Variants in CACNB4 observed in about 807,000 individuals in gnomAD.
The protein encoded by CACNB4 is voltage-dependent L-type calcium channel subunit beta-4.
Under a neutral mutation model 71.2 loss-of-function variants are expected in CACNB4, and 32 were observed. That is an observed-to-expected ratio of 0.45 (90% CI 0.34 to 0.60). The LOEUF is 0.60. Among genes scored for constraint, CACNB4 ranks in the 20% least tolerant of loss-of-function variants. The pLI is 0.01. For synonymous variants in CACNB4, 231 were observed against 236.9 expected, an observed-to-expected ratio of 0.97 and a Z score of 0.23; for missense variants, 464 against 647.9, an observed-to-expected ratio of 0.72 and a Z score of 3.08.
intron 2 of CACNB4, among the ~76,000 whole-genome samples, chr2:152,079,167 T>C (rs1257157797): frequency 6.6e-6 from 1 of 152,008 alleles, no homozygotes; most frequent in African/African-American, 2.4e-5. Flanking sequence ...AAGCTCACTG[T>C]AAGCTCCGCC....
chr2:151,911,088 G>A (rs1000779889), intron 2 of CACNB4, among the ~76,000 whole-genome samples: 2 of 152,164 alleles, frequency 1.3e-5, no homozygotes, highest in Admixed American at 1.3e-4. Flanking sequence ...GTTCATTCAT[G>A]ATTTGGCTCT....
At chr2:151,948,004 C>T (rs145772625) in intron 2 of CACNB4, among the ~76,000 whole-genome samples, 124 of 152,308 alleles carry the variant, frequency 8.1e-4, no homozygotes, top group African/African-American at 2.5e-3. Context: ...AAGCCAATGA[C>T]TCACTTGGCG....
intron 2 of CACNB4, among the ~76,000 whole-genome samples, chr2:151,941,312 C>T (rs531354820): frequency 5.9e-5 from 8 of 136,614 alleles, no homozygotes; most frequent in African/African-American, 1.4e-4. Flanking sequence ...GCTTGCGTCT[C>T]GCTCTGTCGT....
At chr2:152,084,476 T>C (rs1687536864) in intron 2 of CACNB4, among the ~76,000 whole-genome samples, 1 of 152,212 alleles carries the variant, frequency 6.6e-6, no homozygotes, top group African/African-American at 2.4e-5. Context: ...AGACACTTAC[T>C]GGACTCAGAA....
intron 2 of CACNB4, chr2:151,967,517 A>T (rs1048390354): frequency 3.9e-5 from 6 of 152,360 alleles, no homozygotes; most frequent in Admixed American, 3.9e-4. Context: ...AACAATTTCA[A>T]CTACAACCTT....
At chr2:151,961,884 C>T (rs1046533028) in intron 2 of CACNB4, among the ~76,000 whole-genome samples, 2 of 111,802 alleles carry the variant, frequency 1.8e-5, no homozygotes, top group Admixed American at 9.0e-5. Flanking sequence ...AGAGGAAGAC[C>T]CTGTCTCAAA....
intron 2 of CACNB4, among the ~76,000 whole-genome samples, chr2:152,019,266 A>G (rs891960589): frequency 6.6e-6 from 1 of 152,184 alleles, no homozygotes; most frequent in African/African-American, 2.4e-5. Context: ...GTTATTTCAG[A>G]TCATTTCTGA....
At chr2:152,054,240 C>A (rs1685605357) in intron 2 of CACNB4, among the ~76,000 whole-genome samples, 1 of 151,702 alleles carries the variant, frequency 6.6e-6, no homozygotes, top group Admixed American at 6.6e-5. Flanking sequence ...GTGGCGCGCG[C>A]CTGTAGTCCC....
chr2:151,918,564 T>C (rs139006613), intron 2 of CACNB4, among the ~76,000 whole-genome samples: 1 of 152,328 alleles, frequency 6.6e-6, no homozygotes, highest in Non-Finnish European at 1.5e-5. Flanking sequence ...GAGCCTCCAC[T>C]GTTACACAAG....
chr2:152,096,474 A>G (rs962429112), intron 2 of CACNB4, among the ~76,000 whole-genome samples: 22 of 152,190 alleles, frequency 1.4e-4, no homozygotes, highest in African/African-American at 5.1e-4. Context: ...ACAGAGCAAG[A>G]CTCCGTCTGA....
At position 152,037,867 on chromosome 2, in the gene CACNB4, C is replaced by T. The variant is rs34139080; in HGVS notation, c.147+60463G>A. 7.1e-3 allele frequency among the ~76,000 whole-genome samples: 1,082 copies of T among 152,196 alleles called. 13 individuals are homozygous for T. Among genetic ancestry groups the T allele is most frequent in the Middle Eastern group, 0.017 (5 of 294 alleles). On this transcript the variant is annotated intron_variant, in intron 2 of 13. Coordinates refer to ENST00000539935, the MANE Select transcript of CACNB4 (RefSeq NM_000726.5). ...CAGGCCTGCAGCACTGCTGCTCCCCCCTCATCCTTGGAGCTGCTCACCAAC... is the reference window on the plus strand; with the variant it reads ...CAGGCCTGCAGCACTGCTGCTCCCCTCTCATCCTTGGAGCTGCTCACCAAC...
chr2:152,004,588 C>T (rs984001787), intron 2 of CACNB4, among the ~76,000 whole-genome samples: 2 of 152,032 alleles, frequency 1.3e-5, no homozygotes, highest in Non-Finnish European at 2.9e-5. Context: ...ACCAAAACCT[C>T]CTTCAGTCAA....
intron 2 of CACNB4, among the ~76,000 whole-genome samples, chr2:151,942,330 A>G (rs929478350): frequency 1.3e-5 from 2 of 149,112 alleles, no homozygotes; most frequent in South Asian, 4.2e-4. Context: ...CCCAAATAAT[A>G]CTTTTATAAT....
intron 2 of CACNB4, among the ~76,000 whole-genome samples, chr2:151,922,040 A>T (rs2099859139): frequency 6.6e-6 from 1 of 152,098 alleles, no homozygotes; most frequent in African/African-American, 2.4e-5. Context: ...ATATTCAAAA[A>T]AGTAATGTCA....
In CACNB4 at chr2:152,063,484, C is replaced by T. The variant is rs548597023; in HGVS notation, c.147+34846G>A. The stretch of plus-strand genomic sequence containing the variant: ...AACCCAGGCAATCTTGCTCTAGAGG[C>T]TGTTTGGAAAATCACACTGCACCAA... On this transcript the variant is annotated intron_variant, in intron 2 of 13. Coordinates refer to ENST00000539935, the MANE Select transcript of CACNB4 (RefSeq NM_000726.5). Among the ~76,000 whole-genome samples the T allele has an allele frequency of 1.8e-4, 27 of 152,282 alleles. No individual in the cohort carries two copies. The South Asian group carries it at 5.2e-3, about 29-fold the overall frequency.
intron 2 of CACNB4, among the ~76,000 whole-genome samples, chr2:151,997,162 A>G (rs1401910853): frequency 6.6e-6 from 1 of 152,164 alleles, no homozygotes; most frequent in African/African-American, 2.4e-5. Flanking sequence ...GTCTTTGCAA[A>G]TTTAAGTTAA....
chr2:151,895,256 C>T (rs2151488319), intron 2 of CACNB4, among the ~76,000 whole-genome samples: 1 of 152,038 alleles, frequency 6.6e-6, no homozygotes, highest in Non-Finnish European at 1.5e-5. Context: ...AAAACAGATA[C>T]ATGTTATCCA....
At chr2:151,941,700 G>C (rs979012907) in intron 2 of CACNB4, among the ~76,000 whole-genome samples, 1 of 152,046 alleles carries the variant, frequency 6.6e-6, no homozygotes, top group African/African-American at 2.4e-5. Context: ...TCATCCAACA[G>C]GTATTTACCA....
chr2:152,032,039 T>C (rs528854568), intron 2 of CACNB4, among the ~76,000 whole-genome samples: 2 of 152,138 alleles, frequency 1.3e-5, no homozygotes, highest in South Asian at 2.1e-4. Context: ...AGAGCCTTGA[T>C]GATTCGAGTG....
Sources: gnomAD v4.1 joint callset for allele counts (sites outside exome capture counted in the v4.1 genomes callset) on GRCh38, gnomAD v4.1.1 for gene constraint, MANE v1.5 for transcripts, NCBI Gene and HGNC (gene_info 2026-07-23, HGNC 2026-07-21) for gene names.